Variants in TEX2 observed in about 807,000 individuals in gnomAD.
TEX2 encodes the protein testis expressed 2.
In TEX2, 53 loss-of-function variants were observed where a neutral mutation model predicts 106.9. The observed-to-expected ratio is 0.50, with a 90% confidence interval of 0.40 to 0.62. The LOEUF (loss-of-function observed/expected upper bound fraction) is 0.62, where lower values mean the gene tolerates loss of function less well. Among genes scored for constraint, TEX2 ranks in the 20% least tolerant of loss-of-function variants. The probability of loss-of-function intolerance (pLI) is 0.00; values close to 1 mark genes in which losing one functional copy is unlikely to be tolerated. For missense variants in TEX2, 1,207 were observed against 1,379.0 expected (o/e 0.88, Z 1.98); for synonymous variants, 523 against 534.8 (o/e 0.98, Z 0.30).
Position 64,194,993 on chromosome 17 carries a change from T to C in TEX2, c.1747A>G (p.Lys583Glu). 1 of 1,614,186 alleles carries C rather than the reference T, an allele frequency of 6.2e-7. No homozygotes were observed. Among genetic ancestry groups the C allele is most frequent in the Non-Finnish European group, 8.5e-7 (1 of 1,180,008 alleles). Residue 583 changes from lysine (K) to glutamate (E), a missense_variant, in exon 3 of 12, where the codon AAG becomes GAG. Transcript: ENST00000584379. ...CTCCTGGATATATTTTTATTGGGCT[T>C]TGAAAGTCTTAAGGTTCCACCCTCA... is the stretch of plus-strand genomic sequence containing the variant. ...RLEGGTLRLS[K>E]PNKNISRRAS...
chr17:64,210,506 T>C (rs903604012), intron 2 of TEX2, among the ~76,000 whole-genome samples: 4 of 152,154 alleles, frequency 2.6e-5, no homozygotes, highest in African/African-American at 9.7e-5. Context: ...TCAAAAAATT[T>C]TTTTTCTTTG....
rs67787101 is a variant in TEX2 at position 64,181,824 on chromosome 17, A to ATTT, written c.2425-4356_2425-4354dup. On this transcript the variant is annotated intron_variant, in intron 5 of 11. Transcript: ENST00000584379. ...AGCCACCATGCCCGGCTGGTTTTGT[A>ATTT]TTTTTTTTTTTTTTTACAGTTTTAC... 2.8e-3 allele frequency among the ~76,000 whole-genome samples: 399 copies of ATTT among 145,038 alleles called. 2 individuals carry two copies. Among genetic ancestry groups the ATTT allele is most frequent in the South Asian group, 6.3e-3 (29 of 4,630 alleles).
chr17:64,246,013 G>A (rs782356943), intron 1 of TEX2, among the ~76,000 whole-genome samples: 4 of 152,170 alleles, frequency 2.6e-5, no homozygotes, highest in Middle Eastern at 3.4e-3. Context: ...CAGATCATAC[G>A]CCCACCTTCA....
Position 64,214,252 on chromosome 17 carries a change from C to G in TEX2, c.-25-10G>C. 1 of 1,580,614 alleles carries G rather than the reference C, an allele frequency of 6.3e-7. No homozygotes were observed. The highest frequency in any genetic ancestry group is 8.6e-7 in the Non-Finnish European group (1 of 1,160,490). ...CACAAGGGCTCAGGCTCTGTGAAAA[C>G]AGTGAGAAAACCAGAAGTCAGAGAG... On this transcript the variant is annotated splice_polypyrimidine_tract_variant and intron_variant, in intron 1 of 11. Coordinates refer to ENST00000584379, the MANE Select transcript of TEX2 (RefSeq NM_001288732.2).
intron 7 of TEX2, among the ~76,000 whole-genome samples, chr17:64,170,811 T>C (rs1330414884): frequency 6.6e-6 from 1 of 151,984 alleles, no homozygotes; most frequent in African/African-American, 2.4e-5. Flanking sequence ...TTTTGTACTT[T>C]TTTAGTAGAG....
chr17:64,241,118 G>A (rs1288471628), intron 1 of TEX2, among the ~76,000 whole-genome samples: 1 of 152,214 alleles, frequency 6.6e-6, no homozygotes, highest in Non-Finnish European at 1.5e-5. Flanking sequence ...TCCAGATGCA[G>A]TGACAAATCC....
At chr17:64,171,456 C>T (rs1335199416) in intron 6 of TEX2, among the ~76,000 whole-genome samples, 4 of 152,018 alleles carry the variant, frequency 2.6e-5, no homozygotes, top group Non-Finnish European at 5.9e-5. Context: ...AGACAATATA[C>T]TTCCAGAGAG....
At chr17:64,248,359 T>G (rs2034028985) in intron 1 of TEX2, among the ~76,000 whole-genome samples, 1 of 152,174 alleles carries the variant, frequency 6.6e-6, no homozygotes, top group African/African-American at 2.4e-5. Context: ...TGTTTAAGAT[T>G]CTTCAAAGAC....
Position 64,177,371 on chromosome 17 carries a change from G to A in TEX2, c.2525C>T (p.Ser842Phe). 1 of 1,614,200 alleles carries A rather than the reference G, an allele frequency of 6.2e-7. No individual in the cohort carries two copies. The highest frequency in any genetic ancestry group is 1.1e-5 in the South Asian group (1 of 91,078). Residue 842 changes from serine to phenylalanine, a missense_variant, in exon 6 of 12, where the codon TCT becomes TTT. Around this residue, in one of 3 missense-constraint regions of TEX2, gnomAD observed 1,067 missense variants for 1,193.6 expected, o/e 0.89. Transcript: ENST00000584379. ...FWDFLGEKYW[S>F]DLVSKKIQMK... ...TTGGATCTTCTTAGACACCAGATCA[G>A]ACCAGTATTTCTCTCCTAAGAAGTC...
At chr17:64,194,823 G>T in intron 3 of TEX2, 72 bp downstream of exon 3, 1 of 1,429,160 alleles carries the variant, frequency 7.0e-7, no homozygotes, top group Non-Finnish European at 9.9e-7. Context: ...ATAAAAAAAT[G>T]CAGTTAAGCA....
intron 7 of TEX2, among the ~76,000 whole-genome samples, chr17:64,168,833 G>T (rs1822464579): frequency 6.6e-6 from 1 of 151,188 alleles, no homozygotes; most frequent in Non-Finnish European, 1.5e-5. Flanking sequence ...GTTAGAGGAA[G>T]AAAGGTAGCA....
chr17:64,205,971 C>T lies in TEX2; in HGVS notation c.1644+6603G>A, dbSNP rs143618556. 1.2e-4 allele frequency among the ~76,000 whole-genome samples: 18 copies of T among 152,262 alleles called. No individual in the cohort carries two copies. In the East Asian group the frequency reaches 3.5e-3, roughly 29 times the overall value. On this transcript the variant is annotated intron_variant, in intron 2 of 11. Coordinates refer to ENST00000584379, the MANE Select transcript of TEX2 (RefSeq NM_001288732.2). This position sits in a 1 kb window ranked among gnomAD's most constrained non-coding sequence, Gnocchi z 4.0. ...TTCAAAATTGCATCTGAGTCATATACTCAAACATAAATCCAAGACCCTTAT... is the reference window on the plus strand; with the variant it reads ...TTCAAAATTGCATCTGAGTCATATATTCAAACATAAATCCAAGACCCTTAT...
chr17:64,243,861 T>A (rs9913164), intron 1 of TEX2, among the ~76,000 whole-genome samples: 1 of 147,372 alleles, frequency 6.8e-6, no homozygotes, highest in African/African-American at 2.5e-5. Flanking sequence ...CAGGTTGGAG[T>A]GCAGTGGTGG....
chr17:64,177,028 C>T (rs1327324238), intron 6 of TEX2, among the ~76,000 whole-genome samples: 1 of 152,068 alleles, frequency 6.6e-6, no homozygotes, highest in Non-Finnish European at 1.5e-5. Flanking sequence ...TTATATAAGA[C>T]GAATCGGTTA....
chr17:64,250,713 G>A lies in TEX2; in HGVS notation c.-26+12455C>T, dbSNP rs567659270. On this transcript the variant is annotated intron_variant, in intron 1 of 11. Coordinates refer to ENST00000584379, the MANE Select transcript of TEX2 (RefSeq NM_001288732.2). ...TTTTTTTTATTTTTGACAGGGTCTCGCTCTGTTGCCTGGGCTAGAGTGCAG... is the reference window on the plus strand; with the variant it reads ...TTTTTTTTATTTTTGACAGGGTCTCACTCTGTTGCCTGGGCTAGAGTGCAG... 3.1e-4 allele frequency among the ~76,000 whole-genome samples: 47 copies of A among 152,056 alleles called. 1 individual carries two copies. The highest frequency in any genetic ancestry group is 1.1e-3 in the African/African-American group (46 of 41,462).
intron 1 of TEX2, among the ~76,000 whole-genome samples, chr17:64,229,572 A>G (rs1208321843): frequency 1.3e-5 from 2 of 150,702 alleles, no homozygotes; most frequent in Non-Finnish European, 3.0e-5. Context: ...TGGCTTCTGG[A>G]TTTTTTTACA....
In TEX2 at chr17:64,149,031, C is replaced by T. The variant is rs2030205083; in HGVS notation, c.3322G>A (p.Asp1108Asn). 2 of 1,614,180 alleles carry T rather than the reference C, an allele frequency of 1.2e-6. No individual in the cohort carries two copies. Among genetic ancestry groups the T allele is most frequent in the African/African-American group, 2.7e-5 (2 of 75,054 alleles). ...AGGAGGCAGGAAGTAGAGCGAGGGT[C>T]CATGGCTGAGTGCATTATAGTGATA... ...VYITIMHSAM[D>N]PRSTSCLLKD... is the part of the protein sequence containing the mutation. The change falls in exon 12 of 12, where the codon GAC (aspartate) becomes AAC (asparagine). Residue 1108 changes from aspartate to asparagine, a missense_variant. Physicochemically the swap from Asp to Asn is conservative, Grantham distance 23 (BLOSUM62 1). Coordinates refer to ENST00000584379, the MANE Select transcript of TEX2 (RefSeq NM_001288732.2).
intron 1 of TEX2, among the ~76,000 whole-genome samples, chr17:64,243,211 G>A (rs1401879913): frequency 4.0e-5 from 6 of 151,684 alleles, no homozygotes; most frequent in African/African-American, 1.5e-4. Context: ...ACAGGCGTGA[G>A]CCACCACACC....
chr17:64,185,617 A>G lies in TEX2; in HGVS notation c.2424+2551T>C, dbSNP rs1381105865. Reference sequence around the variant, plus strand: ...GCGACAGAGTGAGACTCCAACTAAAAAAAGAAAAAAAAAATTTCATCAGAG... The same window carrying G: ...GCGACAGAGTGAGACTCCAACTAAAGAAAGAAAAAAAAAATTTCATCAGAG... On this transcript the variant is annotated intron_variant, in intron 5 of 11. Transcript: ENST00000584379. The surrounding 1 kb of genome is among the most constrained non-coding windows in gnomAD (Gnocchi z 4.0). Among the ~76,000 whole-genome samples the G allele has an allele frequency of 6.6e-6, 1 of 152,124 alleles. No homozygotes were observed. Among genetic ancestry groups the G allele is most frequent in the East Asian group, 1.9e-4 (1 of 5,186 alleles).
Sources: gnomAD v4.1 joint callset for allele counts (sites outside exome capture counted in the v4.1 genomes callset) on GRCh38, gnomAD v4.1.1 for gene constraint, gnomAD v4.1.1 regional missense constraint, Gnocchi (gnomAD v3.1) non-coding constraint, MANE v1.5 for transcripts, NCBI Gene and HGNC (gene_info 2026-07-23, HGNC 2026-07-21) for gene names.